CNTNAP2: variants seen among roughly 807,000 people sequenced by gnomAD.
CNTNAP2 encodes the protein contactin associated protein 2.
CNTNAP2 carries 98 observed loss-of-function variants against 155.2 expected under a neutral mutation model. The observed-to-expected ratio is 0.63, with a 90% CI of 0.54 to 0.75. The LOEUF is 0.75. Among genes scored for constraint, CNTNAP2 ranks in the 30% least tolerant of loss-of-function variants. The probability of loss-of-function intolerance (pLI) is 0.00; values close to 1 mark genes in which losing one functional copy is unlikely to be tolerated. For synonymous variants in CNTNAP2, 651 were observed against 631.2 expected (o/e 1.03, Z -0.47); for missense variants, 1,727 against 1,688.1 (o/e 1.02, Z -0.40).
chr7:146,493,789 AT>A (rs1203089585), intron 1 of CNTNAP2, among the ~76,000 whole-genome samples: 1 of 152,204 alleles, frequency 6.6e-6, no homozygotes, highest in Admixed American at 6.5e-5. Context: ...TTTGAAAAAA[AT>A]CTGCCCAATT....
intron 4 of CNTNAP2, among the ~76,000 whole-genome samples, chr7:147,084,494 T>C (rs990218950): frequency 2.1e-5 from 3 of 143,660 alleles, no homozygotes; most frequent in African/African-American, 7.5e-5. Flanking sequence ...GCACATAGCA[T>C]GCTTATAAAT....
chr7:146,839,477 T>C lies in CNTNAP2; in HGVS notation c.209-234T>C, dbSNP rs368395033. ...CTAATTGAGGAATTATGAAGACATTTGCTCAGGAGAAAATGAGCACATAAT... is the reference window on the plus strand; with the variant it reads ...CTAATTGAGGAATTATGAAGACATTCGCTCAGGAGAAAATGAGCACATAAT... On this transcript the variant is annotated intron_variant, in intron 2 of 23. Transcript: ENST00000361727. Among the ~76,000 whole-genome samples, 325 of 152,264 alleles carry C rather than the reference T, an allele frequency of 2.1e-3. 1 individual carries two copies. Among genetic ancestry groups the C allele is most frequent in the South Asian group, 6.2e-3 (30 of 4,820 alleles).
intron 21 of CNTNAP2, among the ~76,000 whole-genome samples, chr7:148,351,007 G>A (rs184936823): frequency 6.8e-4 from 104 of 152,358 alleles, no homozygotes; most frequent in African/African-American, 2.4e-3. Flanking sequence ...TCCAGGTGCT[G>A]GAGAGATACA....
At chr7:147,531,947 C>G (rs536049212) in intron 11 of CNTNAP2, among the ~76,000 whole-genome samples, 1 of 151,882 alleles carries the variant, frequency 6.6e-6, no homozygotes. Flanking sequence ...GCTGGGACTA[C>G]AGGTGCCTGC....
chr7:147,119,311 C>CA (rs1196899721), intron 5 of CNTNAP2, among the ~76,000 whole-genome samples: 1 of 151,884 alleles, frequency 6.6e-6, no homozygotes, highest in Non-Finnish European at 1.5e-5. Context: ...GTGACCTTAC[C>CA]AAAAAAAGTT....
At chr7:147,089,215 CT>C (rs1445081945) in intron 4 of CNTNAP2, among the ~76,000 whole-genome samples, 2 of 152,162 alleles carry the variant, frequency 1.3e-5, no homozygotes, top group Admixed American at 1.3e-4. Flanking sequence ...TGCATCCCAC[CT>C]TTTCAACATC....
rs1286742771 is a variant in CNTNAP2 at position 147,012,953 on chromosome 7, G to A, written c.403-30954G>A. ...AATGTGTTTAAAATTGAATCTCCAA[G>A]TTGACAACTCTTATAGATGATAAAA... On this transcript the variant is annotated intron_variant, in intron 3 of 23. Transcript: ENST00000361727. Among the ~76,000 whole-genome samples, 4 of 152,078 alleles carry A rather than the reference G, an allele frequency of 2.6e-5. No individual in the cohort carries two copies. In the East Asian group the frequency reaches 7.8e-4, roughly 29 times the overall value.
chr7:147,028,484 T>C (rs1271642772), intron 3 of CNTNAP2, among the ~76,000 whole-genome samples: 2 of 152,160 alleles, frequency 1.3e-5, no homozygotes, highest in African/African-American at 4.8e-5. Flanking sequence ...GAGAGAGATG[T>C]TAAGGAATAC....
At chr7:147,330,144 C>T (rs1196526907) in intron 9 of CNTNAP2, among the ~76,000 whole-genome samples, 2 of 152,056 alleles carry the variant, frequency 1.3e-5, no homozygotes, top group Non-Finnish European at 2.9e-5. Flanking sequence ...ATCTTTTACC[C>T]CACCTACCAA....
intron 15 of CNTNAP2, among the ~76,000 whole-genome samples, chr7:148,086,482 C>G (rs1334456991): frequency 6.6e-6 from 1 of 152,098 alleles, no homozygotes; most frequent in Admixed American, 6.5e-5. Context: ...TCTAATTTTC[C>G]TAAATATTTT....
intron 9 of CNTNAP2, among the ~76,000 whole-genome samples, chr7:147,308,084 T>C (rs899616): frequency 0.3 from 46,095 of 151,862 alleles, 8,927 homozygotes; most frequent in East Asian, 0.71. Flanking sequence ...CAGAGAAACC[T>C]TTGATTAAGA....
chr7:146,655,884 G>T (rs1276723776), intron 1 of CNTNAP2, among the ~76,000 whole-genome samples: 1 of 152,102 alleles, frequency 6.6e-6, no homozygotes, highest in African/African-American at 2.4e-5. Flanking sequence ...ATGTGACAAT[G>T]GTTTGTGTAC....
At chr7:146,992,052 T>C (rs1276089236) in intron 3 of CNTNAP2, among the ~76,000 whole-genome samples, 2 of 152,202 alleles carry the variant, frequency 1.3e-5, no homozygotes, top group Non-Finnish European at 2.9e-5. Flanking sequence ...GGTACTATTA[T>C]ATACACACAC....
At chr7:147,083,008 C>G (rs951031132) in intron 4 of CNTNAP2, 9 of 152,068 alleles carry the variant, frequency 5.9e-5, no homozygotes, top group Non-Finnish European at 1.0e-4. Context: ...GGCGGCCTTC[C>G]CAAAGGTGTT....
intron 12 of CNTNAP2, among the ~76,000 whole-genome samples, chr7:147,578,958 C>T (rs185592966): frequency 0.012 from 1,753 of 152,038 alleles, 32 homozygotes; most frequent in African/African-American, 0.04. Flanking sequence ...TATTGAATAT[C>T]TTTAATAAAT....
At chr7:148,316,326 C>G (rs1180348470) in intron 21 of CNTNAP2, among the ~76,000 whole-genome samples, 1 of 146,720 alleles carries the variant, frequency 6.8e-6, no homozygotes, top group Non-Finnish European at 1.5e-5. Flanking sequence ...TACCTTAGAA[C>G]TTAAAGTATA....
intron 2 of CNTNAP2, among the ~76,000 whole-genome samples, chr7:146,835,367 G>A (rs138575661): frequency 2.2e-4 from 33 of 152,210 alleles, no homozygotes; most frequent in Admixed American, 1.8e-3. Context: ...TCACTCTGTT[G>A]CTTTTGGTAA....
chr7:147,430,551 C>T (rs1226920977), intron 10 of CNTNAP2, among the ~76,000 whole-genome samples: 3 of 152,178 alleles, frequency 2.0e-5, no homozygotes, highest in African/African-American at 7.2e-5. Context: ...AACTAATCCC[C>T]TCAGCAAGTG....
Position 146,561,101 on chromosome 7 carries a change from C to A in CNTNAP2, c.98-213170C>A, listed in dbSNP as rs1332856163. On this transcript the variant is annotated intron_variant, in intron 1 of 23. Coordinates refer to ENST00000361727, the MANE Select transcript of CNTNAP2 (RefSeq NM_014141.6). ...TAATGTCAAAGGTAGAAAGAAATTG[C>A]CCATCATCGTCCAGGTTGTCTTGAC... Among the ~76,000 whole-genome samples the A allele has an allele frequency of 2.0e-5, 3 of 152,046 alleles. No individual in the cohort carries two copies. The South Asian group carries it at 6.2e-4, about 32-fold the overall frequency.
Sources: allele counts gnomAD v4.1 joint callset (sites outside exome capture counted in the v4.1 genomes callset), GRCh38; gene constraint gnomAD v4.1.1; transcripts MANE v1.5; gene names NCBI Gene and HGNC (gene_info 2026-07-23, HGNC 2026-07-21).